Variants in LRRC75B observed in about 807,000 individuals in gnomAD.
LRRC75B encodes leucine rich repeat containing 75B, also known as leucine-rich repeat-containing protein 75B.
In LRRC75B, 20 loss-of-function variants were observed where a neutral mutation model predicts 16.5. The ratio of observed to expected loss-of-function variants is 1.21; its 90% CI spans 0.85 to 1.76. LRRC75B has a LOEUF of 1.76. Ranked by LOEUF, LRRC75B falls within the 40% of genes most tolerant of loss-of-function variation. The probability of loss-of-function intolerance (pLI) is 0.00; values close to 1 mark genes in which losing one functional copy is unlikely to be tolerated. For missense variants in LRRC75B, 406 were observed against 417.0 expected, an observed-to-expected ratio of 0.97 and a Z score of 0.23; for synonymous variants, 199 against 198.1, an observed-to-expected ratio of 1.00 and a Z score of -0.04.
rs2147179368 is a variant in LRRC75B, at chr22:24,592,986, C to G, written c.54G>C (p.Gly18=). 8 of 1,158,876 alleles carry G rather than the reference C, an allele frequency of 6.9e-6. No homozygotes were observed. The South Asian group carries it at 2.1e-4, about 30-fold the overall frequency. The allele number at this position is 1,158,876 out of a possible 1,614,324, so 71.8% of individuals were successfully genotyped here. Residue 18 remains glycine, a synonymous_variant, in exon 1 of 4, where the codon GGG becomes GGC. Coordinates refer to ENST00000318753, the MANE Select transcript of LRRC75B (RefSeq NM_207644.3). ...GCGCGGGCCCGCAGCCGGCCGCCGCCCCGGCCTCAGAGCCAGCCTCGGGCC... is the reference window on the plus strand; with the variant it reads ...GCGCGGGCCCGCAGCCGGCCGCCGCGCCGGCCTCAGAGCCAGCCTCGGGCC... ...RAGPEAGSEA[G]AAAGCGPAPY...
Position 24,592,519 on chromosome 22 carries a change from G to A in LRRC75B, c.177+344C>T, listed in dbSNP as rs553123348. On this transcript the variant is annotated intron_variant, in intron 1 of 3. Transcript: ENST00000318753. ...CTCCCGGGCCCCTCCCATCTTGCCA[G>A]GGCCTGAATTTGGGCTCTTAGGTCC... 1.1e-4 allele frequency: 49 copies of A among 436,770 alleles called. 2 individuals are homozygous for A. The highest frequency in any genetic ancestry group is 8.9e-4 in the Admixed American group (33 of 37,288). 27.1% of individuals were successfully genotyped at this position (436,770 alleles called of 1,614,324 possible). A position where few individuals can be genotyped will look rare whatever the true frequency, so the allele number is the denominator to read the frequency against.
rs759902284 is a variant in LRRC75B at position 24,588,262 on chromosome 22, G to A, written c.374C>T (p.Ser125Leu). ...CAGGCTGGACCCTTGCTGCTGCTTC[G>A]AGTGAGGGGTGAGGTGGTAGATGAG... The part of the protein sequence containing the change: ...RQLIYHLTPH[S>L]KQQQGSSLRQ... The change falls in exon 3 of 4, where the codon TCG becomes TTG. Residue 125 changes from serine (S) to leucine (L), a missense_variant. Coordinates refer to ENST00000318753, the MANE Select transcript of LRRC75B (RefSeq NM_207644.3). The A allele has an allele frequency of 7.2e-5, 116 of 1,613,632 alleles. No individual in the cohort carries two copies. Among genetic ancestry groups the A allele is most frequent in the South Asian group, 2.3e-4 (21 of 90,872 alleles).
Position 24,592,976 on chromosome 22 carries a change from C to T in LRRC75B, c.64G>A (p.Gly22Ser), listed in dbSNP as rs1400427448. Residue 22 changes from glycine to serine, a missense_variant, in exon 1 of 4, where the codon GGC (glycine) becomes AGC (serine). Transcript: ENST00000318753. Reference protein sequence around the residue: ...EAGSEAGAAAGCGPAPYERRV... With the variant: ...EAGSEAGAAASCGPAPYERRV... ...CGCTCGTAGGGCGCGGGCCCGCAGC[C>T]GGCCGCCGCCCCGGCCTCAGAGCCA... The T allele has an allele frequency of 8.6e-7, 1 of 1,168,802 alleles. No homozygotes were observed. The highest frequency in any genetic ancestry group is 1.1e-6 in the Non-Finnish European group (1 of 947,396). The allele number at this position is 1,168,802 out of a possible 1,614,324, so 72.4% of individuals were successfully genotyped here.
At chr22:24,589,292 A>C in intron 2 of LRRC75B, 1 of 1,228,988 alleles carries the variant, frequency 8.1e-7, no homozygotes, top group Non-Finnish European at 1.0e-6. Context: ...GCAGGTGGCA[A>C]ACTCCACCCC....
At chr22:24,588,140 G>A in intron 3 of LRRC75B, 74 bp downstream of exon 3, 3 of 1,157,788 alleles carry the variant, frequency 2.6e-6, no homozygotes, top group Non-Finnish European at 3.8e-6. Context: ...GCCTCTTGGT[G>A]AGAGTGCAGG....
Position 24,586,399 on chromosome 22 carries a change from G to A in LRRC75B, c.435C>T (p.Ser145=), listed in dbSNP as rs756154971. 3.1e-6 allele frequency: 5 copies of A among 1,612,104 alleles called. No homozygotes were observed. Among genetic ancestry groups the A allele is most frequent in the Non-Finnish European group, 4.2e-6 (5 of 1,179,094 alleles). The change falls in exon 4 of 4, where the codon AGC becomes AGT. Residue 145 remains serine (S), a synonymous_variant. Transcript: ENST00000318753. Reference sequence around the variant, plus strand: ...CCCCTGCCAGCAGAGTCTTCTGGAGGCTGCTCTTGAGGCTATGGGAGAGTG... The same window carrying A: ...CCCCTGCCAGCAGAGTCTTCTGGAGACTGCTCTTGAGGCTATGGGAGAGTG... ...QRKTQSCLKS[S]LQKTLLAGET... is the part of the protein sequence containing the mutation.
chr22:24,591,893 T>C (rs1167879327), intron 1 of LRRC75B, among the ~76,000 whole-genome samples: 1 of 152,142 alleles, frequency 6.6e-6, no homozygotes, highest in Non-Finnish European at 1.5e-5. Context: ...GACAGCTCCA[T>C]TTTTCCAGCC....
rs778443112 is a variant in LRRC75B, at chr22:24,586,004, T to C, written c.830A>G (p.Tyr277Cys). The change falls in exon 4 of 4, where the codon TAC (tyrosine) becomes TGC (cysteine). Residue 277 changes from tyrosine (Y) to cysteine (C), a missense_variant. By Grantham distance (194) the Tyr-to-Cys change is radical (BLOSUM62 -2). Coordinates refer to ENST00000318753, the MANE Select transcript of LRRC75B (RefSeq NM_207644.3). Reference sequence around the variant, plus strand: ...CTCAGGCTCAAGGTCCAGGCCCTCGTAGATGGTGGGGAGTGAGGTGCGCTG... The same window carrying C: ...CTCAGGCTCAAGGTCCAGGCCCTCGCAGATGGTGGGGAGTGAGGTGCGCTG... ...LSQRTSLPTI[Y>C]EGLDLEPEGS... 2 of 1,610,848 alleles carry C rather than the reference T, an allele frequency of 1.2e-6. No homozygotes were observed. The highest frequency in any genetic ancestry group is 1.7e-6 in the Non-Finnish European group (2 of 1,179,856).
In LRRC75B at chr22:24,588,272, T is replaced by C. The variant is rs529353705; in HGVS notation, c.364A>G (p.Thr122Ala). 159 of 1,613,420 alleles carry C rather than the reference T, an allele frequency of 9.9e-5. No individual in the cohort carries two copies. The highest frequency in any genetic ancestry group is 6.2e-4 in the Admixed American group (37 of 59,980). The change falls in exon 3 of 4, where the codon ACC becomes GCC. Residue 122 changes from threonine to alanine, a missense_variant. Physicochemically the swap from Thr to Ala is moderately conservative, Grantham distance 58. Coordinates refer to ENST00000318753, the MANE Select transcript of LRRC75B (RefSeq NM_207644.3). ...CCTTGCTGCTGCTTCGAGTGAGGGG[T>C]GAGGTGGTAGATGAGCTGTCGGCAG... ...KICRQLIYHL[T>A]PHSKQQQGSS...
intron 1 of LRRC75B, among the ~76,000 whole-genome samples, chr22:24,591,162 C>T (rs2045556673): frequency 6.6e-6 from 1 of 152,250 alleles, no homozygotes. Flanking sequence ...TCACCGCAAC[C>T]TCCGCCTCCC....
rs2045588338 is a variant in LRRC75B, at chr22:24,592,156, G to C, written c.177+707C>G. The C allele has an allele frequency of 2.5e-5, 10 of 393,084 alleles. 1 individual carries two copies. The highest frequency in any genetic ancestry group is 1.8e-4 in the South Asian group (10 of 54,566). 24.3% of individuals were successfully genotyped at this position (393,084 alleles called of 1,614,324 possible). The stretch of plus-strand genomic sequence containing the variant: ...GGTGGTGAGGGAAGTGGCATGCCCA[G>C]GTGATTGGGGGGACCAGCATCCTGG... On this transcript the variant is annotated intron_variant, in intron 1 of 3. Transcript: ENST00000318753.
At chr22:24,586,880 C>T (rs569997478) in intron 3 of LRRC75B, among the ~76,000 whole-genome samples, 1 of 152,232 alleles carries the variant, frequency 6.6e-6, no homozygotes, top group Non-Finnish European at 1.5e-5. Context: ...CTCAGAGGCT[C>T]AGTTTCCCCT....
Position 24,589,919 on chromosome 22 carries a change from C to T in LRRC75B, c.208G>A (p.Asp70Asn), listed in dbSNP as rs1669492960. Residue 70 changes from aspartate (D) to asparagine (N), a missense_variant, in exon 2 of 4, where the codon GAT (aspartate) becomes AAT (asparagine). Physicochemically the swap from Asp to Asn is conservative, Grantham distance 23. Transcript: ENST00000318753. ...DLGLERTLLP[D>N]ILYRDVAFLN... ...AAGGCCACATCTCTGTAGAGGATAT[C>T]AGGAAGGAGGGTCCTCTCAAGGCCC... 6.2e-7 allele frequency: 1 copy of T among 1,610,414 alleles called. No homozygotes were observed. The highest frequency in any genetic ancestry group is 1.1e-5 in the South Asian group (1 of 90,264).
At chr22:24,586,494 G>A in intron 3 of LRRC75B, 83 bp from the exon 4 acceptor site, 2 of 1,399,060 alleles carry the variant, frequency 1.4e-6, no homozygotes, top group Non-Finnish European at 2.0e-6. Flanking sequence ...GTCGGGAACA[G>A]CCCAGGCCTA....
Position 24,586,045 on chromosome 22 carries a change from C to A in LRRC75B, c.789G>T (p.Leu263=). 1 of 1,611,496 alleles carries A rather than the reference C, an allele frequency of 6.2e-7. No homozygotes were observed. Among genetic ancestry groups the A allele is most frequent in the Non-Finnish European group, 8.5e-7 (1 of 1,179,916 alleles). Reference sequence around the variant, plus strand: ...AGGTGCGCTGGCTCAGCCGCCGGCGCAGGCCGACCAGCAGGGGCTGGGGCA... The same window carrying A: ...AGGTGCGCTGGCTCAGCCGCCGGCGAAGGCCGACCAGCAGGGGCTGGGGCA... ...ASLPQPLLVG[L]RRRLSQRTSL... Residue 263 remains leucine, a synonymous_variant, in exon 4 of 4, where the codon CTG becomes CTT. Transcript: ENST00000318753.
rs940611154 is a variant in LRRC75B, at chr22:24,593,017, C to T, written c.23G>A (p.Arg8Gln). MGARLGR[R>Q]AGPEAGSEAG... ...CTCAGAGCCAGCCTCGGGCCCGGCC[C>T]GCCGGCCCAGCCGCGCCCCCATGGC... The change falls in exon 1 of 4, where the codon CGG (arginine) becomes CAG (glutamine). Residue 8 changes from arginine (R) to glutamine (Q), a missense_variant. Physicochemically the swap from Arg to Gln is conservative, Grantham distance 43. Coordinates refer to ENST00000318753, the MANE Select transcript of LRRC75B (RefSeq NM_207644.3). 2.0e-5 allele frequency: 22 copies of T among 1,086,366 alleles called. No individual in the cohort carries two copies. The highest frequency in any genetic ancestry group is 3.3e-5 in the African/African-American group (2 of 59,704). 67.3% of individuals were successfully genotyped at this position (1,086,366 alleles called of 1,614,324 possible). A position where few individuals can be genotyped will look rare whatever the true frequency, so the allele number is the denominator to read the frequency against.
At chr22:24,592,764 G>A in intron 1 of LRRC75B, 99 bp downstream of exon 1, 4 of 1,285,522 alleles carry the variant, frequency 3.1e-6, no homozygotes, top group Non-Finnish European at 4.0e-6. Flanking sequence ...CCTCCCGGCG[G>A]ATACAGGCCC....
rs567413863 is a variant in LRRC75B at position 24,589,999 on chromosome 22, C to T, written c.178-50G>A. On this transcript the variant is annotated intron_variant, in intron 1 of 3. Coordinates refer to ENST00000318753, the MANE Select transcript of LRRC75B (RefSeq NM_207644.3). ...AGTGAGCCCGTTGGGTCTCCCATCTCGAGGCACCACCCCAGCCAGCCAGAT... is the reference window on the plus strand; with the variant it reads ...AGTGAGCCCGTTGGGTCTCCCATCTTGAGGCACCACCCCAGCCAGCCAGAT... 1.2e-5 allele frequency: 18 copies of T among 1,503,806 alleles called. No individual in the cohort carries two copies. In the South Asian group the frequency reaches 1.3e-4, roughly 11 times the overall value. 93.2% of individuals were successfully genotyped at this position (1,503,806 alleles called of 1,614,324 possible). A position where few individuals can be genotyped will look rare whatever the true frequency, so the allele number is the denominator to read the frequency against.
intron 1 of LRRC75B, among the ~76,000 whole-genome samples, chr22:24,591,088 CTTTGT>C (rs2045554139): frequency 6.6e-6 from 1 of 150,898 alleles, no homozygotes; most frequent in Non-Finnish European, 1.5e-5. Context: ...CAGAGGGTCT[CTTTGT>C]TTTGAGACGG....
Sources: gnomAD v4.1 joint callset for allele counts (sites outside exome capture counted in the v4.1 genomes callset) on GRCh38, gnomAD v4.1.1 for gene constraint, MANE v1.5 for transcripts, NCBI Gene and HGNC (gene_info 2026-07-23, HGNC 2026-07-21) for gene names.